Variants in DENND5A observed in about 807,000 individuals in gnomAD.
DENND5A encodes the protein DENN domain containing 5A, also known as DENN domain-containing protein 5A.
In DENND5A, 64 loss-of-function variants were observed where a neutral mutation model predicts 140.3. The observed-to-expected ratio is 0.46, with a 90% CI of 0.37 to 0.56. DENND5A has a LOEUF of 0.56. DENND5A is among the 20% of genes least tolerant of loss of function. The pLI is 0.00. For missense variants in DENND5A, 1,292 were observed against 1,593.8 expected, an observed-to-expected ratio of 0.81 and a Z score of 3.22; for synonymous variants, 605 against 607.7, an observed-to-expected ratio of 1.00 and a Z score of 0.07.
chr11:9,166,560 G>A (rs192986010), intron 10 of DENND5A, among the ~76,000 whole-genome samples: 154 of 152,224 alleles, frequency 1.0e-3, no homozygotes, highest in Non-Finnish European at 1.2e-3. Context: ...CAGGCAAGGC[G>A]CAGTGGCTCA....
chr11:9,155,011 T>C (rs1343298921), intron 12 of DENND5A, among the ~76,000 whole-genome samples: 4 of 151,226 alleles, frequency 2.6e-5, no homozygotes, highest in Non-Finnish European at 5.9e-5. Flanking sequence ...TAGGCGCGCA[T>C]GGTGACAGGC....
intron 1 of DENND5A, among the ~76,000 whole-genome samples, chr11:9,226,460 G>T (rs1171242200): frequency 6.6e-6 from 1 of 151,632 alleles, no homozygotes; most frequent in Non-Finnish European, 1.5e-5. Context: ...TTGACAATGG[G>T]AAAAAAAAGT....
intron 11 of DENND5A, among the ~76,000 whole-genome samples, chr11:9,162,121 CTT>C (rs1422236738): frequency 1.3e-5 from 2 of 148,674 alleles, no homozygotes; most frequent in African/African-American, 5.0e-5. Context: ...AGCAACAACT[CTT>C]AATATTTTGG....
At chr11:9,227,564 G>C (rs1237384934) in intron 1 of DENND5A, among the ~76,000 whole-genome samples, 1 of 152,180 alleles carries the variant, frequency 6.6e-6, no homozygotes, top group Admixed American at 6.6e-5. Flanking sequence ...CACTATAGTG[G>C]AAGGCACAGG....
At chr11:9,180,298 A>AT (rs1484985603) in intron 6 of DENND5A, among the ~76,000 whole-genome samples, 3 of 151,860 alleles carry the variant, frequency 2.0e-5, no homozygotes, top group Admixed American at 2.0e-4. Flanking sequence ...CAAAAAAAAA[A>AT]TAATAATAAT....
chr11:9,247,185 G>T (rs777113703), intron 1 of DENND5A, among the ~76,000 whole-genome samples: 1 of 150,698 alleles, frequency 6.6e-6, no homozygotes, highest in Admixed American at 6.6e-5. Context: ...AGCCGAGATC[G>T]TGCCACTGCA....
At position 9,247,146 on chromosome 11, in the gene DENND5A, C is replaced by T. The variant is rs1425230338; in HGVS notation, c.109+17815G>A. Among the ~76,000 whole-genome samples the T allele has an allele frequency of 1.4e-4, 21 of 151,244 alleles. No homozygotes were observed. In the East Asian group the frequency reaches 2.9e-3, roughly 21 times the overall value. ...TTGGGAGGCTGAAGCAGGAGAACGG[C>T]GTGAACCCGGGAGGCGGAGCTTGCA... On this transcript the variant is annotated intron_variant, in intron 1 of 22. Coordinates refer to ENST00000328194, the MANE Select transcript of DENND5A (RefSeq NM_015213.4).
intron 10 of DENND5A, among the ~76,000 whole-genome samples, chr11:9,168,092 A>ATTTTTTTTTTTTT (rs11285106): frequency 3.5e-5 from 5 of 141,978 alleles, no homozygotes; most frequent in African/African-American, 7.9e-5. Flanking sequence ...AACCTCAGTG[A>ATTTTTTTTTTTTT]TTTTTTTTTT....
chr11:9,169,495 G>GCGCACA (rs1554916426), intron 10 of DENND5A, among the ~76,000 whole-genome samples: 304 of 145,800 alleles, frequency 2.1e-3, no homozygotes, highest in African/African-American at 7.2e-3. Context: ...ATATACACAC[G>GCGCACA]CACACACACA....
At chr11:9,237,433 G>A (rs1400750381) in intron 1 of DENND5A, among the ~76,000 whole-genome samples, 2 of 151,978 alleles carry the variant, frequency 1.3e-5, no homozygotes, top group East Asian at 3.9e-4. Flanking sequence ...CAGAAAAAAA[G>A]ATATGTTCTT....
At chr11:9,159,868 T>C (rs1447279643) in intron 12 of DENND5A, among the ~76,000 whole-genome samples, 3 of 152,248 alleles carry the variant, frequency 2.0e-5, no homozygotes, top group Non-Finnish European at 2.9e-5. Context: ...TAGTATCTCA[T>C]TGTGGTTCCA....
Position 9,193,644 on chromosome 11 carries a change from T to A in DENND5A, c.987A>T (p.Thr329=). The change falls in exon 5 of 23, where the codon ACA becomes ACT. Residue 329 remains threonine (T), a synonymous_variant. Coordinates refer to ENST00000328194, the MANE Select transcript of DENND5A (RefSeq NM_015213.4). The part of the protein sequence containing the change: ...QRLMTVAETI[T]ALMFPFQWQH... ...GCCACTGGAAAGGAAACATGAGAGC[T>A]GTAATCGTCTCCGCCACAGTCATCA... The A allele has an allele frequency of 6.2e-7, 1 of 1,613,862 alleles. No homozygotes were observed. The highest frequency in any genetic ancestry group is 8.5e-7 in the Non-Finnish European group (1 of 1,179,898).
At position 9,233,944 on chromosome 11, in the gene DENND5A, G is replaced by A. The variant is rs1399599093; in HGVS notation, c.110-26312C>T. 7.2e-5 allele frequency among the ~76,000 whole-genome samples: 11 copies of A among 152,080 alleles called. No individual in the cohort carries two copies. The East Asian group carries it at 9.6e-4, about 13-fold the overall frequency. ...TGTAATCCCAGCACTTTGGGAGGCC[G>A]AGGTGGGTGGATCACTTGAGGTCAG... On this transcript the variant is annotated intron_variant, in intron 1 of 22. Coordinates refer to ENST00000328194, the MANE Select transcript of DENND5A (RefSeq NM_015213.4).
At chr11:9,223,328 CAGG>C (rs1206094274) in intron 1 of DENND5A, among the ~76,000 whole-genome samples, 1 of 151,668 alleles carries the variant, frequency 6.6e-6, no homozygotes, top group African/African-American at 2.4e-5. Context: ...AGGCGGAGGT[CAGG>C]AGTTTAAGAC....
At chr11:9,196,031 C>A (rs1246766729) in intron 4 of DENND5A, among the ~76,000 whole-genome samples, 1 of 152,190 alleles carries the variant, frequency 6.6e-6, no homozygotes, top group East Asian at 1.9e-4. Flanking sequence ...CGGCTCACTG[C>A]AACCTATGCT....
chr11:9,167,072 T>C (rs1590225598), intron 10 of DENND5A, among the ~76,000 whole-genome samples: 1 of 152,102 alleles, frequency 6.6e-6, no homozygotes, highest in East Asian at 1.9e-4. Flanking sequence ...ACAACTGCAA[T>C]TATTTTGTAT....
chr11:9,210,170 TC>T (rs1256324412), intron 1 of DENND5A, among the ~76,000 whole-genome samples: 10 of 152,048 alleles, frequency 6.6e-5, no homozygotes, highest in African/African-American at 2.4e-4. Context: ...TAGGCCCACC[TC>T]CTGAAACCTG....
In DENND5A at chr11:9,265,061, G is replaced by T; in HGVS notation, c.9C>A (p.Gly3=). ...GCGCCGAGCCCCCTCCGCCGCCGCC[G>T]CCACTCATGGCGCCGGGGCCGAGAC... MS[G]GGGGGGSAPS... Residue 3 remains glycine (G), a synonymous_variant, in exon 1 of 23, where the codon GGC becomes GGA. Transcript: ENST00000328194. The surrounding 1 kb of genome is among the most constrained non-coding windows in gnomAD (Gnocchi z 4.7). 2.6e-6 allele frequency: 4 copies of T among 1,538,812 alleles called. No homozygotes were observed. In the East Asian group the frequency reaches 1.1e-4, roughly 40 times the overall value.
intron 4 of DENND5A, 75 bp from the exon 5 acceptor site, chr11:9,193,756 T>C (rs1849224056): frequency 1.5e-6 from 2 of 1,299,362 alleles, no homozygotes; most frequent in Non-Finnish European, 2.1e-6. Flanking sequence ...AAACAGTAAG[T>C]TAAAACTTTC....
Sources: gnomAD v4.1 joint callset for allele counts (sites outside exome capture counted in the v4.1 genomes callset) on GRCh38, gnomAD v4.1.1 for gene constraint, Gnocchi (gnomAD v3.1) non-coding constraint, MANE v1.5 for transcripts, NCBI Gene and HGNC (gene_info 2026-07-23, HGNC 2026-07-21) for gene names.